AP3M1: variants seen among roughly 807,000 people sequenced by gnomAD.
AP3M1 encodes AP-3 complex subunit mu-1.
In AP3M1, 29 loss-of-function variants were observed where a neutral mutation model predicts 42.6. That is an observed-to-expected ratio of 0.68 (90% CI 0.51 to 0.93). AP3M1 has a LOEUF of 0.93. AP3M1 is among the 40% of genes least tolerant of loss of function. The pLI is 0.00. For synonymous variants in AP3M1, 178 were observed against 175.3 expected (o/e 1.02, Z -0.12); for missense variants, 416 against 510.2 (o/e 0.82, Z 1.78).
In AP3M1 at chr10:74,120,305, A is replaced by G. The variant is rs544380855; in HGVS notation, c.*3505T>C. On this transcript the variant is annotated 3_prime_UTR_variant, in exon 9 of 9. Transcript: ENST00000355264. ...ATCCAAATGTTGCACTGGAAGAAGA[A>G]ATCAACAGTGGTATATTTACTTAAC... is the stretch of plus-strand genomic sequence containing the variant. 6.6e-6 allele frequency: 1 copy of G among 152,358 alleles called. No individual in the cohort carries two copies. The highest frequency in any genetic ancestry group is 2.4e-5 in the African/African-American group (1 of 41,588). 9.4% of individuals were successfully genotyped at this position (152,358 alleles called of 1,614,324 possible). A position where few individuals can be genotyped will look rare whatever the true frequency, so the allele number is the denominator to read the frequency against.
intron 6 of AP3M1, among the ~76,000 whole-genome samples, chr10:74,126,613 C>T (rs766488407): frequency 3.4e-4 from 51 of 151,442 alleles, no homozygotes; most frequent in South Asian, 6.3e-4. Context: ...TTTGGGAGGC[C>T]GAGACCAGGG....
At chr10:74,130,869 G>C (rs1302078637) in intron 4 of AP3M1, among the ~76,000 whole-genome samples, 1 of 152,112 alleles carries the variant, frequency 6.6e-6, no homozygotes, top group African/African-American at 2.4e-5. Context: ...CTAGCACTTA[G>C]GGAGGCTGAC....
chr10:74,146,981 G>A (rs1246920840), intron 1 of AP3M1, among the ~76,000 whole-genome samples: 2 of 152,134 alleles, frequency 1.3e-5, no homozygotes, highest in African/African-American at 4.8e-5. Context: ...AAGAGGTTAA[G>A]CTACGAGAAT....
At chr10:74,136,585 CAA>C in intron 3 of AP3M1, 45 bp downstream of exon 3, 1 of 1,378,944 alleles carries the variant, frequency 7.3e-7, no homozygotes, top group Non-Finnish European at 9.6e-7. Flanking sequence ...GAGTTGTTTA[CAA>C]AGTTTTAATT....
chr10:74,124,247 C>G, intron 8 of AP3M1, 133 bp downstream of exon 8: 1 of 1,131,530 alleles, frequency 8.8e-7, no homozygotes, highest in Non-Finnish European at 1.2e-6. Context: ...GACTGCCCCA[C>G]CAAGCACAGT....
chr10:74,125,873 T>C lies in AP3M1; in HGVS notation c.1011+275A>G, dbSNP rs1840597641. Among the ~76,000 whole-genome samples, 4 of 152,238 alleles carry C rather than the reference T, an allele frequency of 2.6e-5. No homozygotes were observed. In the South Asian group the frequency reaches 8.3e-4, roughly 32 times the overall value. The stretch of plus-strand genomic sequence containing the variant: ...TAAAAAAGCTTTTACTTCTTTCTTA[T>C]TAGATAGCAGAGTCAGGCTCTGGAT... On this transcript the variant is annotated intron_variant, in intron 7 of 8. Transcript: ENST00000355264.
At position 74,124,471 on chromosome 10, in the gene AP3M1, T is replaced by C. The variant is rs776832034; in HGVS notation, c.1065A>G (p.Lys355=). ...KITPQKLPSL[K]GLVNLQSGAP... ...CTCCAGACTGTAAATTTACCAGTCC[T>C]TTAAGACTTGGGAGCTTTTGTGGAG... The change falls in exon 8 of 9, where the codon AAA becomes AAG. Residue 355 remains lysine, a synonymous_variant. Coordinates refer to ENST00000355264, the MANE Select transcript of AP3M1 (RefSeq NM_012095.6). 2.5e-6 allele frequency: 4 copies of C among 1,613,358 alleles called. No homozygotes were observed. The highest frequency in any genetic ancestry group is 3.4e-6 in the Non-Finnish European group (4 of 1,179,762).
chr10:74,148,701 C>T (rs905417328), intron 1 of AP3M1, among the ~76,000 whole-genome samples: 8 of 151,982 alleles, frequency 5.3e-5, no homozygotes, highest in Non-Finnish European at 1.5e-5. Flanking sequence ...GGACTACAAC[C>T]ACATGCCACA....
At chr10:74,135,007 T>C (rs1190236186) in intron 3 of AP3M1, among the ~76,000 whole-genome samples, 1 of 152,210 alleles carries the variant, frequency 6.6e-6, no homozygotes, top group Non-Finnish European at 1.5e-5. Flanking sequence ...TTGATAATTT[T>C]GGTTTTTAAT....
At chr10:74,127,339 A>G (rs568567261) in intron 6 of AP3M1, among the ~76,000 whole-genome samples, 4 of 152,242 alleles carry the variant, frequency 2.6e-5, no homozygotes, top group Admixed American at 6.5e-5. Flanking sequence ...CTGAAGTTTA[A>G]TAACAGTATA....
intron 2 of AP3M1, among the ~76,000 whole-genome samples, chr10:74,137,422 T>A (rs1054349801): frequency 1.6e-4 from 25 of 152,220 alleles, no homozygotes; most frequent in African/African-American, 6.0e-4. Context: ...TCACCCTGAT[T>A]ATCCCAAAAT....
chr10:74,126,495 C>G (rs1197512369), intron 6 of AP3M1, 140 bp from the exon 7 acceptor site: 2 of 633,094 alleles, frequency 3.2e-6, no homozygotes, highest in Non-Finnish European at 5.5e-6. Flanking sequence ...ACAGAGTTGG[C>G]TCTCTGTAGC....
chr10:74,139,556 T>TG (rs752495555), intron 1 of AP3M1, among the ~76,000 whole-genome samples: 6 of 143,554 alleles, frequency 4.2e-5, no homozygotes, highest in Non-Finnish European at 9.1e-5. Flanking sequence ...CCGAGGCAGG[T>TG]GGATCACCTG....
rs921312932 is a variant in AP3M1, at chr10:74,122,637, T to G, written c.*1173A>C. On this transcript the variant is annotated 3_prime_UTR_variant, in exon 9 of 9. Transcript: ENST00000355264. Reference sequence around the variant, plus strand: ...TCTGCCTCATTATAACTCACTTCCATGTATTTTGTCAGTATAGTACGTATA... The same window carrying G: ...TCTGCCTCATTATAACTCACTTCCAGGTATTTTGTCAGTATAGTACGTATA... The G allele has an allele frequency of 3.9e-5, 6 of 152,246 alleles. No homozygotes were observed. The highest frequency in any genetic ancestry group is 1.4e-4 in the African/African-American group (6 of 41,466). The allele number at this position is 152,246 out of a possible 1,614,324, so 9.4% of individuals were successfully genotyped here. A position where few individuals can be genotyped will look rare whatever the true frequency, so the allele number is the denominator to read the frequency against.
chr10:74,143,227 T>G (rs1841214702), intron 1 of AP3M1, among the ~76,000 whole-genome samples: 1 of 152,262 alleles, frequency 6.6e-6, no homozygotes, highest in Admixed American at 6.5e-5. Context: ...GGCGTGCGCC[T>G]GTAATCCCAG....
chr10:74,133,811 T>C (rs1472720227), intron 4 of AP3M1, among the ~76,000 whole-genome samples: 3 of 151,798 alleles, frequency 2.0e-5, no homozygotes, highest in Non-Finnish European at 4.4e-5. Flanking sequence ...CGCGCCACCA[T>C]GCCCGGCTAA....
At chr10:74,149,749 A>G (rs1591775485) in intron 1 of AP3M1, among the ~76,000 whole-genome samples, 1 of 152,004 alleles carries the variant, frequency 6.6e-6, no homozygotes, top group African/African-American at 2.4e-5. Flanking sequence ...TTTTTCTTGA[A>G]TCTTCAAATA....
chr10:74,148,966 G>A lies in AP3M1; in HGVS notation c.-4+1789C>T, dbSNP rs181357768. Among the ~76,000 whole-genome samples the A allele has an allele frequency of 3.3e-3, 493 of 151,592 alleles. 1 individual carries two copies. Among genetic ancestry groups the A allele is most frequent in the African/African-American group, 0.011 (465 of 41,286 alleles). On this transcript the variant is annotated intron_variant, in intron 1 of 8. Transcript: ENST00000355264. ...CAGCTTACCACAACCTCCGCTTCCT[G>A]GGTTCAAGCGATTCTCCTGCCTCAA...
intron 1 of AP3M1, among the ~76,000 whole-genome samples, chr10:74,148,786 G>A (rs965040050): frequency 2.0e-5 from 3 of 151,896 alleles, no homozygotes; most frequent in African/African-American, 7.3e-5. Context: ...CCAGCTCCTG[G>A]CCTCAAGTGA....
Sources: gnomAD v4.1 joint callset for allele counts (sites outside exome capture counted in the v4.1 genomes callset) on GRCh38, gnomAD v4.1.1 for gene constraint, MANE v1.5 for transcripts, NCBI Gene and HGNC (gene_info 2026-07-23, HGNC 2026-07-21) for gene names.